PARD3B: variants seen among roughly 807,000 people sequenced by gnomAD.
PARD3B encodes the protein par-3 family cell polarity regulator beta.
A neutral mutation model predicts 130.2 loss-of-function variants in PARD3B; 103 were observed. The ratio of observed to expected loss-of-function variants is 0.79; its 90% CI spans 0.67 to 0.93. The LOEUF (loss-of-function observed/expected upper bound fraction) is 0.93. Ranked by LOEUF, PARD3B falls within the 40% of genes least tolerant of loss-of-function variation. PARD3B has a pLI of 0.00. For missense variants in PARD3B, 1,609 were observed against 1,499.2 expected, an observed-to-expected ratio of 1.07 and a Z score of -1.21; for synonymous variants, 583 against 553.2, an observed-to-expected ratio of 1.05 and a Z score of -0.76.
chr2:204,602,854 C>G (rs2033569625), intron 1 of PARD3B, among the ~76,000 whole-genome samples: 1 of 152,050 alleles, frequency 6.6e-6, no homozygotes, highest in Admixed American at 6.6e-5. Context: ...TATTCTATTT[C>G]TCCAGCTGTG....
intron 21 of PARD3B, among the ~76,000 whole-genome samples, chr2:205,505,043 T>C (rs370728069): frequency 2.0e-5 from 3 of 152,134 alleles, no homozygotes; most frequent in African/African-American, 4.8e-5. Context: ...ATATACACCA[T>C]GGAAAACTAT....
chr2:205,019,586 A>G (rs1696441459), intron 3 of PARD3B, among the ~76,000 whole-genome samples: 1 of 152,188 alleles, frequency 6.6e-6, no homozygotes, highest in African/African-American at 2.4e-5. Flanking sequence ...CTGTGGCACC[A>G]CTTTACATTC....
intron 2 of PARD3B, among the ~76,000 whole-genome samples, chr2:204,758,043 C>A (rs1000030139): frequency 1.3e-5 from 2 of 152,144 alleles, no homozygotes; most frequent in African/African-American, 4.8e-5. Context: ...TTTGTGTTGG[C>A]TGTGTGCTGC....
intron 22 of PARD3B, among the ~76,000 whole-genome samples, chr2:205,614,842 C>A (rs1457562171): frequency 6.6e-6 from 1 of 152,058 alleles, no homozygotes; most frequent in Non-Finnish European, 1.5e-5. Context: ...CAGAGTTAGA[C>A]CAAGATGACA....
intron 18 of PARD3B, among the ~76,000 whole-genome samples, chr2:205,343,700 G>A (rs1211451843): frequency 1.3e-5 from 2 of 152,150 alleles, no homozygotes; most frequent in African/African-American, 4.8e-5. Context: ...GCTCACAGCT[G>A]TGGAGAACAG....
At chr2:204,698,329 A>G (rs1157776471) in intron 2 of PARD3B, among the ~76,000 whole-genome samples, 1 of 152,082 alleles carries the variant, frequency 6.6e-6, no homozygotes, top group East Asian at 1.9e-4. Flanking sequence ...ATTGTTGTTC[A>G]CATTTCTGCC....
At chr2:204,895,304 GC>G (rs1471367274) in intron 2 of PARD3B, among the ~76,000 whole-genome samples, 4 of 151,980 alleles carry the variant, frequency 2.6e-5, no homozygotes, top group Non-Finnish European at 4.4e-5. Flanking sequence ...TAAACCAAAA[GC>G]TTTTTATGCA....
intron 3 of PARD3B, among the ~76,000 whole-genome samples, chr2:205,005,233 A>G (rs1382437481): frequency 6.6e-6 from 1 of 152,108 alleles, no homozygotes; most frequent in East Asian, 1.9e-4. Flanking sequence ...GTATATACAC[A>G]CATATATACA....
chr2:204,953,897 A>G (rs1236091680), intron 2 of PARD3B, among the ~76,000 whole-genome samples: 1 of 151,736 alleles, frequency 6.6e-6, no homozygotes, highest in South Asian at 2.1e-4. Context: ...TTATAAATCT[A>G]AAACTAACTC....
chr2:205,107,559 T>C (rs1267666008), intron 5 of PARD3B, among the ~76,000 whole-genome samples: 1 of 152,200 alleles, frequency 6.6e-6, no homozygotes, highest in Non-Finnish European at 1.5e-5. Context: ...ATTGTAACTA[T>C]TTCTCATTCA....
chr2:204,903,688 A>G (rs934341704), intron 2 of PARD3B, among the ~76,000 whole-genome samples: 1 of 152,166 alleles, frequency 6.6e-6, no homozygotes, highest in Non-Finnish European at 1.5e-5. Flanking sequence ...GATTGAGACT[A>G]TCTTCATCTC....
chr2:204,946,310 A>C (rs144270277), intron 2 of PARD3B, among the ~76,000 whole-genome samples: 22 of 152,334 alleles, frequency 1.4e-4, no homozygotes, highest in Non-Finnish European at 2.9e-5. Context: ...CTCATCCAGC[A>C]TTACTAAACA....
chr2:205,319,752 A>C (rs1475211849), intron 18 of PARD3B, among the ~76,000 whole-genome samples: 1 of 152,250 alleles, frequency 6.6e-6, no homozygotes, highest in Non-Finnish European at 1.5e-5. Flanking sequence ...TGATTGTGAG[A>C]AATCCATTCT....
chr2:205,520,685 T>TACAC (rs111642220), intron 21 of PARD3B, among the ~76,000 whole-genome samples: 5 of 151,414 alleles, frequency 3.3e-5, no homozygotes, highest in South Asian at 4.2e-4. Context: ...TTTCTTTCTA[T>TACAC]ACACACACAC....
rs148655649 is a variant in PARD3B, at chr2:205,485,867, C to T, written c.3045-14029C>T. On this transcript the variant is annotated intron_variant, in intron 20 of 22. Transcript: ENST00000406610. ...TCTCTAATAGGCCTTTCCTGACCTC[C>T]CCAAGCCAAGTTAACACCCTCTGCT... 3.9e-5 allele frequency among the ~76,000 whole-genome samples: 6 copies of T among 152,266 alleles called. No individual in the cohort carries two copies. The East Asian group carries it at 1.2e-3, about 29-fold the overall frequency.
At position 205,009,426 on chromosome 2, in the gene PARD3B, C is replaced by A. The variant is rs1175281323; in HGVS notation, c.395-38155C>A. ...GTGGCTCATGCCTGTAATCCCAGCA[C>A]TTTGGGAGGCAGAGGCGGGTGGATC... On this transcript the variant is annotated intron_variant, in intron 3 of 22. Transcript: ENST00000406610. 1.4e-4 allele frequency among the ~76,000 whole-genome samples: 21 copies of A among 151,718 alleles called. 1 individual carries two copies. Among genetic ancestry groups the A allele is most frequent in the Admixed American group, 1.3e-3 (20 of 15,228 alleles).
intron 1 of PARD3B, among the ~76,000 whole-genome samples, chr2:204,600,753 G>A (rs2033476772): frequency 6.6e-6 from 1 of 151,792 alleles, no homozygotes; most frequent in Non-Finnish European, 1.5e-5. Context: ...CACATTTCAT[G>A]CTTTTGTGAT....
chr2:205,534,493 C>T (rs948225250), intron 21 of PARD3B, among the ~76,000 whole-genome samples: 1 of 151,860 alleles, frequency 6.6e-6, no homozygotes, highest in African/African-American at 2.4e-5. Flanking sequence ...CAGAGTCTTA[C>T]TGTGTCGCCT....
chr2:204,914,117 T>C (rs1407245971), intron 2 of PARD3B, among the ~76,000 whole-genome samples: 2 of 152,152 alleles, frequency 1.3e-5, no homozygotes, highest in Admixed American at 1.3e-4. Context: ...CCTTGGGAAG[T>C]TCACACCATT....
Sources: gnomAD v4.1 joint callset for allele counts (sites outside exome capture counted in the v4.1 genomes callset) on GRCh38, gnomAD v4.1.1 for gene constraint, MANE v1.5 for transcripts, NCBI Gene and HGNC (gene_info 2026-07-23, HGNC 2026-07-21) for gene names.